MYH10: variants seen among roughly 807,000 people sequenced by gnomAD.
MYH10 encodes the protein myosin heavy chain 10, also known as myosin-10.
In MYH10, 55 loss-of-function variants were observed where a neutral mutation model predicts 257.8. That is an observed-to-expected ratio of 0.21 (90% CI 0.17 to 0.27). MYH10 has a LOEUF of 0.27. Among genes scored for constraint, MYH10 ranks in the 10% least tolerant of loss-of-function variants. The pLI is 1.00. For missense variants in MYH10, 1,631 were observed against 2,500.6 expected (o/e 0.65, Z 7.42); for synonymous variants, 854 against 921.7 (o/e 0.93, Z 1.33).
chr17:8,626,089 G>C (rs1244902237), intron 1 of MYH10, among the ~76,000 whole-genome samples: 1 of 152,146 alleles, frequency 6.6e-6, no homozygotes, highest in Admixed American at 6.5e-5. Context: ...AAATAAAATT[G>C]CTAACACATT....
chr17:8,612,497 C>A (rs1222321945), intron 2 of MYH10, among the ~76,000 whole-genome samples: 2 of 152,120 alleles, frequency 1.3e-5, no homozygotes, highest in Admixed American at 6.5e-5. Flanking sequence ...GTTTTAATTG[C>A]TCTATTTTAA....
chr17:8,588,774 A>C (rs1402463777), intron 4 of MYH10, among the ~76,000 whole-genome samples: 1 of 152,260 alleles, frequency 6.6e-6, no homozygotes, highest in Non-Finnish European at 1.5e-5. Context: ...CTTGATAATC[A>C]GTAAATGCTT....
rs1219976770 is a variant in MYH10, at chr17:8,521,167, G to C, written c.2076C>G (p.Leu692=). 3 of 1,614,132 alleles carry C rather than the reference G, an allele frequency of 1.9e-6. No homozygotes were observed. The highest frequency in any genetic ancestry group is 2.5e-6 in the Non-Finnish European group (3 of 1,180,044). ...TTCGGAGAGTTGCCATCAGCTTGGT[G>C]AGAGATTCTTTGTAGAGTTGCCCAA... ...RTVGQLYKES[L]TKLMATLRNT... Residue 692 remains leucine (L), a synonymous_variant, in exon 18 of 43, where the codon CTC becomes CTG. Coordinates refer to ENST00000360416, the MANE Select transcript of MYH10 (RefSeq NM_001256012.3).
At chr17:8,484,631 C>A (rs1167208541) in intron 36 of MYH10, among the ~76,000 whole-genome samples, 3 of 152,256 alleles carry the variant, frequency 2.0e-5, no homozygotes, top group African/African-American at 7.2e-5. Flanking sequence ...AAGGATTATA[C>A]ACCATGACCA....
At position 8,622,996 on chromosome 17, in the gene MYH10, A is replaced by C; in HGVS notation, c.251T>G (p.Phe84Cys). 6.2e-7 allele frequency: 1 copy of C among 1,614,174 alleles called. No homozygotes were observed. Among genetic ancestry groups the C allele is most frequent in the Non-Finnish European group, 8.5e-7 (1 of 1,180,028 alleles). The stretch of plus-strand genomic sequence containing the variant: ...TTCTGCCATATCCTCCACCTTGGAA[A>C]ACTTAGGTGGGTTCATCTTCTGAAT... The part of the protein sequence containing the change: ...DDIQKMNPPK[F>C]SKVEDMAELT... Residue 84 changes from phenylalanine to cysteine, a missense_variant, in exon 2 of 43, where the codon TTT (phenylalanine) becomes TGT (cysteine). By Grantham distance (205) the Phe-to-Cys change is radical (BLOSUM62 -2). Coordinates refer to ENST00000360416, the MANE Select transcript of MYH10 (RefSeq NM_001256012.3).
chr17:8,495,057 C>A, intron 31 of MYH10, 80 bp downstream of exon 31: 1 of 874,748 alleles, frequency 1.1e-6, no homozygotes, highest in South Asian at 1.4e-5. Flanking sequence ...GAAGGCAATT[C>A]TGGGGCCAGC....
intron 21 of MYH10, among the ~76,000 whole-genome samples, chr17:8,517,307 C>T (rs571817660): frequency 2.0e-5 from 3 of 152,222 alleles, no homozygotes; most frequent in South Asian, 4.1e-4. Flanking sequence ...TACCTTCTTC[C>T]GTTTAAAGCC....
chr17:8,498,691 T>A (rs1016818050), intron 30 of MYH10, among the ~76,000 whole-genome samples: 3 of 151,702 alleles, frequency 2.0e-5, no homozygotes, highest in Non-Finnish European at 1.5e-5. Flanking sequence ...ACTAAAAAAT[T>A]CAAAAAATTA....
intron 16 of MYH10, among the ~76,000 whole-genome samples, chr17:8,534,850 T>C (rs1242360571): frequency 6.6e-6 from 1 of 152,200 alleles, no homozygotes; most frequent in Non-Finnish European, 1.5e-5. Flanking sequence ...AATCTTCTAG[T>C]CTACAATAAA....
intron 1 of MYH10, among the ~76,000 whole-genome samples, chr17:8,624,783 A>C: frequency 6.6e-6 from 1 of 152,248 alleles, no homozygotes. Flanking sequence ...TCTGGGCACA[A>C]TGGCCCATAA....
At chr17:8,512,098 A>G (rs1018136075) in intron 24 of MYH10, among the ~76,000 whole-genome samples, 5 of 152,242 alleles carry the variant, frequency 3.3e-5, no homozygotes, top group African/African-American at 9.6e-5. Context: ...GTAGATGTCT[A>G]TCTAATGAAT....
In MYH10 at chr17:8,504,925, G is replaced by C. The variant is rs576506881; in HGVS notation, c.3387-19C>G. 2 of 1,608,272 alleles carry C rather than the reference G, an allele frequency of 1.2e-6. No individual in the cohort carries two copies. The highest frequency in any genetic ancestry group is 2.2e-5 in the South Asian group (2 of 90,930). On this transcript the variant is annotated intron_variant, in intron 27 of 42. Coordinates refer to ENST00000360416, the MANE Select transcript of MYH10 (RefSeq NM_001256012.3). The surrounding 1 kb of genome is among the most constrained non-coding windows in gnomAD (Gnocchi z 5.6). ...ATCACCTCTGTTAAAACACCCAGGC[G>C]CAAGAGGCACTCAGAGATGGCACCC... is the stretch of plus-strand genomic sequence containing the variant.
intron 14 of MYH10, among the ~76,000 whole-genome samples, chr17:8,541,332 T>C (rs1350376884): frequency 6.6e-6 from 1 of 152,256 alleles, no homozygotes; most frequent in African/African-American, 2.4e-5. Context: ...GTGTTAGAGC[T>C]TCCTCTACGT....
chr17:8,578,803 C>A (rs2083594701), intron 4 of MYH10, among the ~76,000 whole-genome samples: 1 of 152,146 alleles, frequency 6.6e-6, no homozygotes, highest in Admixed American at 6.5e-5. Context: ...TTACAGTCAA[C>A]AAAATTCTCA....
At position 8,518,963 on chromosome 17, in the gene MYH10, A is replaced by G; in HGVS notation, c.2274-13T>C. ...TAGGATCTCATATCTGTAAGAGAAT[A>G]TTCCAAGAAGTATTTTGTAGAAATT... On this transcript the variant is annotated splice_polypyrimidine_tract_variant and intron_variant, in intron 19 of 42. Transcript: ENST00000360416. 6.3e-7 allele frequency: 1 copy of G among 1,575,426 alleles called. No homozygotes were observed. The highest frequency in any genetic ancestry group is 1.1e-5 in the South Asian group (1 of 87,078).
chr17:8,482,851 C>A (rs558644501), intron 37 of MYH10, among the ~76,000 whole-genome samples: 1 of 152,374 alleles, frequency 6.6e-6, no homozygotes, highest in East Asian at 1.9e-4. Flanking sequence ...CAGGCTCCAA[C>A]AGCCACATCG....
chr17:8,559,777 C>G (rs1032582957), intron 7 of MYH10, among the ~76,000 whole-genome samples: 1 of 151,994 alleles, frequency 6.6e-6, no homozygotes, highest in African/African-American at 2.4e-5. Flanking sequence ...TAGAACTGTT[C>G]AAAAAAGAAA....
At chr17:8,611,565 AAAAAC>A (rs539705620) in intron 2 of MYH10, among the ~76,000 whole-genome samples, 148 of 152,304 alleles carry the variant, frequency 9.7e-4, no homozygotes, top group African/African-American at 2.7e-3. Context: ...TCTAAAACTG[AAAAAC>A]AAAACAAAAC....
chr17:8,605,280 A>G (rs986823581), intron 2 of MYH10, among the ~76,000 whole-genome samples: 1 of 152,192 alleles, frequency 6.6e-6, no homozygotes, highest in African/African-American at 2.4e-5. Flanking sequence ...GGTACAATCA[A>G]TATGTTATTT....
Sources: allele counts gnomAD v4.1 joint callset (sites outside exome capture counted in the v4.1 genomes callset), GRCh38; gene constraint gnomAD v4.1.1; non-coding constraint Gnocchi (gnomAD v3.1); transcripts MANE v1.5; gene names NCBI Gene and HGNC (gene_info 2026-07-23, HGNC 2026-07-21).